DGKI: variants seen among roughly 807,000 people sequenced by gnomAD.
DGKI encodes DAG kinase iota.
Under a neutral mutation model 147.5 loss-of-function variants are expected in DGKI, and 55 were observed. The observed-to-expected ratio is 0.37, with a 90% CI of 0.30 to 0.47. DGKI has a LOEUF of 0.47. DGKI is among the 20% of genes least tolerant of loss of function. The pLI is 1.00. For synonymous variants in DGKI, 469 were observed against 477.1 expected (o/e 0.98, Z 0.22); for missense variants, 1,007 against 1,323.8 (o/e 0.76, Z 3.71).
At chr7:137,679,784 TTG>T (rs1341972623) in intron 2 of DGKI, among the ~76,000 whole-genome samples, 1 of 151,744 alleles carries the variant, frequency 6.6e-6, no homozygotes, top group African/African-American at 2.4e-5. Context: ...AGTCAGGAGT[TTG>T]AGACCAGCCT....
At chr7:137,820,901 G>A (rs909731735) in intron 1 of DGKI, among the ~76,000 whole-genome samples, 2 of 151,966 alleles carry the variant, frequency 1.3e-5, no homozygotes, top group African/African-American at 4.8e-5. Flanking sequence ...CTCTAGTTTC[G>A]GCCCCTCACC....
At chr7:137,479,329 G>A (rs1417510667) in intron 23 of DGKI, among the ~76,000 whole-genome samples, 2 of 152,044 alleles carry the variant, frequency 1.3e-5, no homozygotes, top group Non-Finnish European at 2.9e-5. Context: ...TCCCTGATAC[G>A]TGAATCTTCT....
chr7:137,671,763 A>C (rs897325417), intron 3 of DGKI, among the ~76,000 whole-genome samples: 7 of 152,230 alleles, frequency 4.6e-5, no homozygotes, highest in Non-Finnish European at 1.0e-4. Flanking sequence ...CTTTCTCAGT[A>C]AAACTGTATT....
chr7:137,571,055 A>G (rs922309318), intron 19 of DGKI, 120 bp downstream of exon 19: 4 of 689,672 alleles, frequency 5.8e-6, no homozygotes, highest in African/African-American at 1.9e-5. Context: ...AAGCAACTCT[A>G]TAATTCATAA....
chr7:137,438,548 A>G (rs1008679649), intron 28 of DGKI, among the ~76,000 whole-genome samples: 1 of 152,156 alleles, frequency 6.6e-6, no homozygotes, highest in African/African-American at 2.4e-5. Flanking sequence ...ATATGTGTAT[A>G]ATCTACCACC....
intron 28 of DGKI, among the ~76,000 whole-genome samples, chr7:137,438,398 G>A (rs1813365553): frequency 1.3e-5 from 2 of 152,084 alleles, no homozygotes; most frequent in Admixed American, 1.3e-4. Flanking sequence ...ACTTTCACAA[G>A]ACTAGCAAAC....
chr7:137,688,696 A>G (rs1299161921), intron 2 of DGKI, among the ~76,000 whole-genome samples: 1 of 152,180 alleles, frequency 6.6e-6, no homozygotes, highest in Non-Finnish European at 1.5e-5. Flanking sequence ...CTTAGGTTTT[A>G]TTTATGTTTA....
chr7:137,846,346 A>C lies in DGKI; in HGVS notation c.401+116T>G. 1.8e-6 allele frequency: 1 copy of C among 566,816 alleles called. No individual in the cohort carries two copies. The highest frequency in any genetic ancestry group is 3.0e-6 in the Non-Finnish European group (1 of 338,096). The allele number at this position is 566,816 out of a possible 1,614,324, so 35.1% of individuals were successfully genotyped here. A position where few individuals can be genotyped will look rare whatever the true frequency, so the allele number is the denominator to read the frequency against. On this transcript the variant is annotated intron_variant, in intron 1 of 32. Transcript: ENST00000614521. This position sits in a 1 kb window ranked among gnomAD's most constrained non-coding sequence, Gnocchi z 4.0. ...CCGGGAGGAGAGGGGGAAAGGGGGA[A>C]GGAGAGGCGTGGAAACAGAGAGGTG...
At chr7:137,420,741 G>A (rs191528856) in intron 28 of DGKI, among the ~76,000 whole-genome samples, 6 of 152,248 alleles carry the variant, frequency 3.9e-5, no homozygotes, top group East Asian at 3.9e-4. Flanking sequence ...AGATGTGACC[G>A]AGCACTGTGG....
intron 20 of DGKI, among the ~76,000 whole-genome samples, chr7:137,544,867 C>T (rs949266404): frequency 3.3e-5 from 5 of 152,098 alleles, no homozygotes; most frequent in African/African-American, 1.2e-4. Context: ...CAAATTAAAC[C>T]TTGAGAACTG....
At chr7:137,616,588 C>T (rs571968844) in intron 8 of DGKI, among the ~76,000 whole-genome samples, 1 of 151,928 alleles carries the variant, frequency 6.6e-6, no homozygotes, top group African/African-American at 2.4e-5. Flanking sequence ...CTCAAAACCT[C>T]ATGGCTCATA....
chr7:137,816,912 T>A (rs879682163), intron 1 of DGKI, among the ~76,000 whole-genome samples: 13 of 152,160 alleles, frequency 8.5e-5, no homozygotes, highest in Admixed American at 8.5e-4. Context: ...TGAGGGGCCA[T>A]CCTGTGCATT....
intron 1 of DGKI, among the ~76,000 whole-genome samples, chr7:137,776,662 A>G (rs1393941302): frequency 5.3e-5 from 8 of 152,232 alleles, no homozygotes. Context: ...TCTATTTCAT[A>G]TAACCACGCA....
At chr7:137,683,432 A>G (rs762683118) in intron 2 of DGKI, among the ~76,000 whole-genome samples, 9 of 151,888 alleles carry the variant, frequency 5.9e-5, no homozygotes, top group East Asian at 1.9e-4. Flanking sequence ...CTGGACTGCA[A>G]TGGCATCACC....
chr7:137,487,873 G>A (rs1295330423), intron 21 of DGKI, among the ~76,000 whole-genome samples, 184 bp from the exon 22 acceptor site: 1 of 151,968 alleles, frequency 6.6e-6, no homozygotes, highest in Non-Finnish European at 1.5e-5. Flanking sequence ...CTTCTTGTTT[G>A]CAGTTGTCAC....
chr7:137,794,240 A>G (rs373940617), intron 1 of DGKI, among the ~76,000 whole-genome samples: 1 of 152,174 alleles, frequency 6.6e-6, no homozygotes, highest in African/African-American at 2.4e-5. Flanking sequence ...CTCAAAGCCT[A>G]ACTCAAATAA....
intron 20 of DGKI, among the ~76,000 whole-genome samples, chr7:137,532,915 A>C (rs569767446): frequency 2.0e-4 from 31 of 152,314 alleles, no homozygotes; most frequent in African/African-American, 7.2e-4. Context: ...TTATATCAAT[A>C]TAACAATTAT....
rs116629636 is a variant in DGKI at position 137,624,281 on chromosome 7, T to C, written c.805-727A>G. 2.1e-3 allele frequency among the ~76,000 whole-genome samples: 324 copies of C among 152,336 alleles called. 2 individuals carry two copies. The highest frequency in any genetic ancestry group is 6.8e-3 in the African/African-American group (281 of 41,582). ...TGTAGTATTGCACAAAGAATTTTTT[T>C]AGCCTTCCCAAAGCTCATCCATTTC... On this transcript the variant is annotated intron_variant, in intron 6 of 32. Transcript: ENST00000614521.
intron 1 of DGKI, among the ~76,000 whole-genome samples, chr7:137,785,827 G>T (rs1185693122): frequency 6.6e-6 from 1 of 152,010 alleles, no homozygotes; most frequent in Non-Finnish European, 1.5e-5. Context: ...ACATATATGA[G>T]TCAGTAAGTG....
Sources: gnomAD v4.1 joint callset for allele counts (sites outside exome capture counted in the v4.1 genomes callset) on GRCh38, gnomAD v4.1.1 for gene constraint, Gnocchi (gnomAD v3.1) non-coding constraint, MANE v1.5 for transcripts, NCBI Gene and HGNC (gene_info 2026-07-23, HGNC 2026-07-21) for gene names.